NRG1: variants seen among roughly 807,000 people sequenced by gnomAD.
The protein encoded by NRG1 is pro-neuregulin-1, membrane-bound isoform.
In NRG1, 18 loss-of-function variants were observed where a neutral mutation model predicts 63.8. That is an observed-to-expected ratio of 0.28 (90% CI 0.19 to 0.42). NRG1 has a LOEUF of 0.42. Ranked by LOEUF, NRG1 falls within the 10% of genes least tolerant of loss-of-function variation. NRG1 has a pLI of 1.00. For missense variants in NRG1, 762 were observed against 814.7 expected, an observed-to-expected ratio of 0.94 and a Z score of 0.79; for synonymous variants, 302 against 301.3, an observed-to-expected ratio of 1.00 and a Z score of -0.02.
At chr8:32,679,620 G>A (rs1248762669) in intron 5 of NRG1, among the ~76,000 whole-genome samples, 1 of 152,140 alleles carries the variant, frequency 6.6e-6, no homozygotes, top group Non-Finnish European at 1.5e-5. Flanking sequence ...AGATCTATTT[G>A]AGTGTTTAGG....
At chr8:31,752,613 G>A (rs1457634613) in intron 1 of NRG1, among the ~76,000 whole-genome samples, 4 of 152,168 alleles carry the variant, frequency 2.6e-5, no homozygotes, top group East Asian at 1.9e-4. Context: ...AGTCACAGCC[G>A]TTGGGATTTG....
chr8:32,715,929 A>G (rs529932840), intron 5 of NRG1, among the ~76,000 whole-genome samples: 1 of 152,338 alleles, frequency 6.6e-6, no homozygotes, highest in African/African-American at 2.4e-5. Flanking sequence ...GGCGTGAGCC[A>G]TCGTGCCTGG....
intron 1 of NRG1, among the ~76,000 whole-genome samples, chr8:32,421,285 G>C (rs1816671956): frequency 1.3e-5 from 2 of 152,130 alleles, no homozygotes; most frequent in African/African-American, 2.4e-5. Context: ...TCAAGAAGTA[G>C]GGTAGGGAAG....
chr8:31,920,303 TAA>T (rs5890604), intron 1 of NRG1, among the ~76,000 whole-genome samples: 3 of 151,018 alleles, frequency 2.0e-5, no homozygotes, highest in African/African-American at 4.9e-5. Flanking sequence ...TGCTTTAAAT[TAA>T]AAAAAAAAGA....
At chr8:32,260,574 T>C (rs1172454336) in intron 1 of NRG1, among the ~76,000 whole-genome samples, 1 of 152,216 alleles carries the variant, frequency 6.6e-6, no homozygotes, top group Non-Finnish European at 1.5e-5. Context: ...CTTAAGTTAA[T>C]TTGCATTGGC....
At chr8:32,621,459 ACTT>A (rs886779829) in intron 5 of NRG1, among the ~76,000 whole-genome samples, 2 of 152,194 alleles carry the variant, frequency 1.3e-5, no homozygotes, top group African/African-American at 2.4e-5. Flanking sequence ...AGCCTTAATG[ACTT>A]CTTCTGGAGA....
intron 1 of NRG1, among the ~76,000 whole-genome samples, chr8:31,941,068 T>A (rs1406515945): frequency 9.7e-6 from 1 of 102,672 alleles, no homozygotes; most frequent in African/African-American, 4.2e-5. Flanking sequence ...AGTATCACCC[T>A]AATGCCAAAG....
At chr8:31,684,428 G>A (rs535585224) in intron 1 of NRG1, among the ~76,000 whole-genome samples, 21 of 152,264 alleles carry the variant, frequency 1.4e-4, no homozygotes, top group East Asian at 3.9e-4. Flanking sequence ...AACAGCACTC[G>A]TCAGACATTA....
intron 1 of NRG1, among the ~76,000 whole-genome samples, chr8:32,223,736 G>A (rs1257852347): frequency 6.6e-6 from 1 of 152,132 alleles, no homozygotes; most frequent in Non-Finnish European, 1.5e-5. Context: ...GATGCTGTAG[G>A]CCCCAAGGAA....
chr8:32,299,705 G>A (rs1470327855), intron 1 of NRG1, among the ~76,000 whole-genome samples: 2 of 152,112 alleles, frequency 1.3e-5, no homozygotes, highest in Admixed American at 1.3e-4. Flanking sequence ...AGGCGCAAAG[G>A]CACATCTTAC....
intron 1 of NRG1, among the ~76,000 whole-genome samples, chr8:32,457,975 T>C (rs1250900176): frequency 6.6e-6 from 1 of 151,926 alleles, no homozygotes; most frequent in Non-Finnish European, 1.5e-5. Flanking sequence ...TGGAGTGCAA[T>C]GGTGCGATCT....
At chr8:31,755,692 A>T (rs952460213) in intron 1 of NRG1, among the ~76,000 whole-genome samples, 7 of 152,068 alleles carry the variant, frequency 4.6e-5, no homozygotes, top group Non-Finnish European at 1.0e-4. Flanking sequence ...GCCAAATACT[A>T]TATCTGGGGC....
intron 1 of NRG1, among the ~76,000 whole-genome samples, chr8:32,337,140 A>G (rs1180604578): frequency 6.6e-6 from 1 of 152,096 alleles, no homozygotes; most frequent in Non-Finnish European, 1.5e-5. Flanking sequence ...CCTCCCAAGT[A>G]GCTGTGACTA....
chr8:32,519,943 A>G (rs1158246853), intron 1 of NRG1, among the ~76,000 whole-genome samples: 1 of 152,172 alleles, frequency 6.6e-6, no homozygotes, highest in Non-Finnish European at 1.5e-5. Context: ...TCACATTTTC[A>G]TAAGTGTTCT....
chr8:31,697,786 G>A lies in NRG1; in HGVS notation c.37+58355G>A, dbSNP rs114302321. Among the ~76,000 whole-genome samples, 1,224 of 152,214 alleles carry A rather than the reference G, an allele frequency of 8.0e-3. 11 individuals are homozygous for A. The highest frequency in any genetic ancestry group is 0.028 in the African/African-American group (1,154 of 41,530). ...TAACTCTGTCCCTTCTGTAATTTAT[G>A]TGGACTCTAAACATTGCTGTAAAGT... On this transcript the variant is annotated intron_variant, in intron 1 of 10. Transcript: ENST00000519301.
chr8:32,103,488 C>G (rs1830835449), intron 1 of NRG1, among the ~76,000 whole-genome samples: 1 of 152,188 alleles, frequency 6.6e-6, no homozygotes, highest in South Asian at 2.1e-4. Context: ...AGTGCTGCAA[C>G]AAACATGGAT....
intron 1 of NRG1, among the ~76,000 whole-genome samples, chr8:32,018,018 G>T (rs1452382692): frequency 2.0e-5 from 3 of 152,148 alleles, no homozygotes; most frequent in African/African-American, 4.8e-5. Flanking sequence ...CCTAGGGGTT[G>T]CCAGTCCTCA....
chr8:32,646,921 G>A (rs866891686), intron 5 of NRG1: 20 of 984,906 alleles, frequency 2.0e-5, no homozygotes, highest in Non-Finnish European at 2.2e-5. Context: ...AAGAGAGAGA[G>A]GAGAGAGGAC....
intron 5 of NRG1, among the ~76,000 whole-genome samples, chr8:32,681,668 CAA>C (rs1563934002): frequency 6.6e-6 from 1 of 152,084 alleles, no homozygotes; most frequent in Non-Finnish European, 1.5e-5. Context: ...TATCTGTAAA[CAA>C]AGTTTCATAA....
Sources: gnomAD v4.1 joint callset for allele counts (sites outside exome capture counted in the v4.1 genomes callset) on GRCh38, gnomAD v4.1.1 for gene constraint, MANE v1.5 for transcripts, NCBI Gene and HGNC (gene_info 2026-07-23, HGNC 2026-07-21) for gene names.